The following MYO16 variants were observed in gnomAD, a reference collection of about 807,000 sequenced individuals.
The protein encoded by MYO16 is unconventional myosin-XVI.
In MYO16, 94 loss-of-function variants were observed where a neutral mutation model predicts 205.3. The observed-to-expected ratio is 0.46, with a 90% CI of 0.39 to 0.54. The LOEUF is 0.54. MYO16 is among the 20% of genes least tolerant of loss of function. The pLI, the probability that MYO16 is intolerant of heterozygous loss-of-function variation, is 0.00. For missense variants in MYO16, 2,315 were observed against 2,387.5 expected, an observed-to-expected ratio of 0.97 and a Z score of 0.63; for synonymous variants, 988 against 954.0, an observed-to-expected ratio of 1.04 and a Z score of -0.66.
intron 6 of MYO16, among the ~76,000 whole-genome samples, chr13:108,800,020 G>A (rs923860275): frequency 4.6e-5 from 7 of 152,046 alleles, no homozygotes; most frequent in South Asian, 2.1e-4. Flanking sequence ...CCACCCGCCC[G>A]CCATCATCAT....
chr13:108,627,954 G>C (rs1037986187), upstream of MYO16, among the ~76,000 whole-genome samples: 2 of 152,070 alleles, frequency 1.3e-5, no homozygotes, highest in Non-Finnish European at 2.9e-5. Context: ...CATCTACATG[G>C]ATACAACCTT....
chr13:108,837,232 G>A (rs1364111765), intron 9 of MYO16, among the ~76,000 whole-genome samples: 1 of 152,190 alleles, frequency 6.6e-6, no homozygotes, highest in Admixed American at 6.5e-5. Context: ...GTTGGCACTT[G>A]TTCTTCCTCC....
the MYO16 span, among the ~76,000 whole-genome samples, chr13:108,498,203 T>TAAAA: frequency 4.5e-4 from 68 of 152,230 alleles, no homozygotes; most frequent in Non-Finnish European, 8.1e-4. Flanking sequence ...TCCAGGCCAA[T>TAAAA]AAAAACACAT....
At chr13:108,672,347 T>C (rs1429360538) in intron 2 of MYO16, among the ~76,000 whole-genome samples, 1 of 152,218 alleles carries the variant, frequency 6.6e-6, no homozygotes, top group Admixed American at 6.5e-5. Context: ...AAAGTTTCCA[T>C]TTAAATTATT....
At chr13:108,847,485 A>T (rs1052654589) in intron 10 of MYO16, among the ~76,000 whole-genome samples, 2 of 152,324 alleles carry the variant, frequency 1.3e-5, no homozygotes, top group Middle Eastern at 3.4e-3. Context: ...TTCACATTTC[A>T]TAGGAAAGCT....
chr13:108,583,038 T>G, the MYO16 span, among the ~76,000 whole-genome samples: 1 of 152,160 alleles, frequency 6.6e-6, no homozygotes, highest in South Asian at 2.1e-4. Context: ...TGAATAAATA[T>G]TAGAATATTT....
intron 5 of MYO16, among the ~76,000 whole-genome samples, chr13:108,786,787 G>T (rs1358203745): frequency 6.6e-6 from 1 of 152,174 alleles, no homozygotes; most frequent in Non-Finnish European, 1.5e-5. Flanking sequence ...GTCACCAAGT[G>T]GGGGTCTCAG....
At chr13:108,916,823 T>C (rs1881513799) in intron 16 of MYO16, among the ~76,000 whole-genome samples, 1 of 152,246 alleles carries the variant, frequency 6.6e-6, no homozygotes, top group Non-Finnish European at 1.5e-5. Flanking sequence ...TGTTCAAGGA[T>C]ATTTAGCTGG....
chr13:108,962,304 A>T, intron 18 of MYO16, 120 bp from the exon 19 acceptor site: 1 of 718,026 alleles, frequency 1.4e-6, no homozygotes, highest in Non-Finnish European at 2.3e-6. Context: ...ATGACTTTTT[A>T]AAATACTCAT....
At chr13:108,664,053 A>T (rs1183723360) in intron 1 of MYO16, among the ~76,000 whole-genome samples, 2 of 152,246 alleles carry the variant, frequency 1.3e-5, no homozygotes, top group Non-Finnish European at 2.9e-5. Flanking sequence ...AGTGTACTCC[A>T]GAGCAATTTG....
At chr13:108,896,072 T>G (rs1326304751) in intron 14 of MYO16, among the ~76,000 whole-genome samples, 1 of 152,164 alleles carries the variant, frequency 6.6e-6, no homozygotes, top group Admixed American at 6.5e-5. Flanking sequence ...CCCAGGCACA[T>G]GCATTTAACC....
At chr13:108,613,445 T>C (rs2139322499) in intron 1 of MYO16, among the ~76,000 whole-genome samples, 2 of 152,250 alleles carry the variant, frequency 1.3e-5, no homozygotes, top group South Asian at 4.1e-4. Flanking sequence ...TATCCTTTTA[T>C]GTGTAAGAAG....
chr13:109,107,594 C>T (rs376684017), intron 28 of MYO16, among the ~76,000 whole-genome samples: 20 of 151,860 alleles, frequency 1.3e-4, no homozygotes, highest in East Asian at 9.7e-4. Flanking sequence ...CTTATTAGTA[C>T]GATAAATTAA....
intron 11 of MYO16, among the ~76,000 whole-genome samples, chr13:108,864,091 A>G (rs74119678): frequency 6.6e-4 from 101 of 152,134 alleles, no homozygotes; most frequent in African/African-American, 2.3e-3. Flanking sequence ...GCTGGGGTAA[A>G]TTGTACATTT....
intron 6 of MYO16, among the ~76,000 whole-genome samples, chr13:108,795,210 T>A (rs80299205): frequency 2.0e-5 from 3 of 151,088 alleles, no homozygotes; most frequent in African/African-American, 7.3e-5. Context: ...TTTTTTTTTT[T>A]AAATGGAATC....
chr13:108,622,635 AG>A (rs1879587398), intron 1 of MYO16, among the ~76,000 whole-genome samples: 1 of 124,400 alleles, frequency 8.0e-6, no homozygotes, highest in Non-Finnish European at 1.7e-5. Context: ...AGAGAAAAGG[AG>A]GAGGGGGGAA....
At chr13:109,126,722 A>C (rs941887467) in intron 30 of MYO16, among the ~76,000 whole-genome samples, 2 of 152,224 alleles carry the variant, frequency 1.3e-5, no homozygotes, top group African/African-American at 4.8e-5. Context: ...AGCTCTGCAC[A>C]TAATTAAATA....
intron 1 of MYO16, among the ~76,000 whole-genome samples, chr13:108,662,351 A>T (rs1024616491): frequency 2.6e-5 from 4 of 152,174 alleles, no homozygotes; most frequent in Non-Finnish European, 5.9e-5. Flanking sequence ...AACTTCCAAG[A>T]TTAATGCCCT....
At chr13:108,844,270 C>T in intron 9 of MYO16, 73 bp from the exon 10 acceptor site, 1 of 1,305,844 alleles carries the variant, frequency 7.7e-7, no homozygotes, top group Non-Finnish European at 1.1e-6. Context: ...GTCCAACTAT[C>T]CTGTATTGGT....
Sources: gnomAD v4.1 joint callset for allele counts (sites outside exome capture counted in the v4.1 genomes callset) on GRCh38, gnomAD v4.1.1 for gene constraint, MANE v1.5 for transcripts, NCBI Gene and HGNC (gene_info 2026-07-23, HGNC 2026-07-21) for gene names.